The following MARVELD2 variants were observed in gnomAD, a reference collection of about 807,000 sequenced individuals.
MARVELD2 encodes MARVEL domain-containing protein 2.
MARVELD2 carries 49 observed loss-of-function variants against 57.6 expected under a neutral mutation model. The observed-to-expected ratio is 0.85, with a 90% CI of 0.68 to 1.08. The LOEUF (loss-of-function observed/expected upper bound fraction) is 1.08. Ranked by LOEUF, MARVELD2 falls within the 50% of genes least tolerant of loss-of-function variation. MARVELD2 has a pLI of 0.00. For missense variants in MARVELD2, 606 were observed against 701.1 expected, an observed-to-expected ratio of 0.86 and a Z score of 1.53; for synonymous variants, 238 against 258.8, an observed-to-expected ratio of 0.92 and a Z score of 0.77.
Position 69,433,045 on chromosome 5 carries a change from G to A in MARVELD2, c.1455G>A (p.Glu485=). ...AGGCTGTCCTGAGGAAGTTTGATGA[G>A]CTGGATGCAGTGATGAGCAGATTGC... ...EVQAVLRKFD[E]LDAVMSRLPH... Residue 485 remains glutamate (E), a synonymous_variant, in exon 5 of 7, where the codon GAG becomes GAA. Coordinates refer to ENST00000325631, the MANE Select transcript of MARVELD2 (RefSeq NM_001038603.3). The A allele has an allele frequency of 1.9e-6, 3 of 1,614,162 alleles. No individual in the cohort carries two copies. The highest frequency in any genetic ancestry group is 2.5e-6 in the Non-Finnish European group (3 of 1,180,032).
In MARVELD2 at chr5:69,442,250, G is replaced by A. The variant is rs545533825; in HGVS notation, c.*596G>A. ...ACTTTTTCCTTTTTTACTCAGGCAGGTTCCTAGGATTTTTCTGGGACAAAT... is the reference window on the plus strand; with the variant it reads ...ACTTTTTCCTTTTTTACTCAGGCAGATTCCTAGGATTTTTCTGGGACAAAT... On this transcript the variant is annotated 3_prime_UTR_variant, in exon 7 of 7. Coordinates refer to ENST00000325631, the MANE Select transcript of MARVELD2 (RefSeq NM_001038603.3). 1 of 152,108 alleles carries A rather than the reference G, an allele frequency of 6.6e-6. No homozygotes were observed. The highest frequency in any genetic ancestry group is 1.5e-5 in the Non-Finnish European group (1 of 68,032). The allele number at this position is 152,108 out of a possible 1,614,324, so 9.4% of individuals were successfully genotyped here.
chr5:69,444,011 A>AAAAAAAAAAAAAAAAAAAAAAAAG lies in MARVELD2; in HGVS notation c.*2368_*2369insAAAAAAAAAAAAGAAAAAAAAAAA. On this transcript the variant is annotated 3_prime_UTR_variant, in exon 7 of 7. Coordinates refer to ENST00000325631, the MANE Select transcript of MARVELD2 (RefSeq NM_001038603.3). Reference sequence around the variant, plus strand: ...ACTTAAGAAGAGCACCAGTGCTTTAAAAAAAAAAAAAGGTAAAATATTACC... The same window carrying AAAAAAAAAAAAAAAAAAAAAAAAG: ...ACTTAAGAAGAGCACCAGTGCTTTAAAAAAAAAAAAAAAAAAAAAAAAAGAAAAAAAAAAAGGTAAAATATTACC... 1 of 149,318 alleles carries AAAAAAAAAAAAAAAAAAAAAAAAG rather than the reference A, an allele frequency of 6.7e-6. No individual in the cohort carries two copies. Among genetic ancestry groups the AAAAAAAAAAAAAAAAAAAAAAAAG allele is most frequent in the African/African-American group, 2.5e-5 (1 of 40,734 alleles). The allele number at this position is 149,318 out of a possible 1,614,324, so 9.2% of individuals were successfully genotyped here. A position where few individuals can be genotyped will look rare whatever the true frequency, so the allele number is the denominator to read the frequency against.
chr5:69,431,318 C>G (rs980866886), intron 3 of MARVELD2, among the ~76,000 whole-genome samples: 3 of 151,382 alleles, frequency 2.0e-5, no homozygotes, highest in African/African-American at 7.3e-5. Context: ...TTTCACCATG[C>G]TGGCCAGGCT....
At chr5:69,422,249 G>A (rs1175709496) in intron 2 of MARVELD2, among the ~76,000 whole-genome samples, 1 of 152,210 alleles carries the variant, frequency 6.6e-6, no homozygotes, top group Non-Finnish European at 1.5e-5. Context: ...GAACAAGGGA[G>A]ATAACCTTAA....
intron 3 of MARVELD2, among the ~76,000 whole-genome samples, chr5:69,428,608 T>A (rs1766866273): frequency 5.0e-5 from 2 of 40,114 alleles, no homozygotes; most frequent in African/African-American, 1.7e-4. Flanking sequence ...TATTAAAAGG[T>A]AAGTCTTACA....
chr5:69,417,274 C>G (rs1766459369), intron 1 of MARVELD2, among the ~76,000 whole-genome samples: 1 of 152,156 alleles, frequency 6.6e-6, no homozygotes, highest in South Asian at 2.1e-4. Context: ...GCAGTCTTTA[C>G]CCCCTTTCTC....
chr5:69,433,442 G>A (rs565718651), intron 5 of MARVELD2, among the ~76,000 whole-genome samples: 2 of 137,580 alleles, frequency 1.5e-5, no homozygotes, highest in East Asian at 2.2e-4. Context: ...ATGAGCCACC[G>A]CATTTGGCAT....
rs1048955905 is a variant in MARVELD2 at position 69,439,653 on chromosome 5, C to T, written c.1504-797C>T. 7.9e-5 allele frequency among the ~76,000 whole-genome samples: 12 copies of T among 151,756 alleles called. No homozygotes were observed. In the South Asian group the frequency reaches 8.3e-4, roughly 11 times the overall value. ...CCTATAATTCCAGCTACTTGGGAGGCTGAGGCTCAATAACAGCTTGAGCCA... is the reference window on the plus strand; with the variant it reads ...CCTATAATTCCAGCTACTTGGGAGGTTGAGGCTCAATAACAGCTTGAGCCA... On this transcript the variant is annotated intron_variant, in intron 5 of 6. Coordinates refer to ENST00000325631, the MANE Select transcript of MARVELD2 (RefSeq NM_001038603.3).
At chr5:69,432,322 A>G (rs1561299081) in intron 3 of MARVELD2, among the ~76,000 whole-genome samples, 2 of 151,858 alleles carry the variant, frequency 1.3e-5, no homozygotes, top group South Asian at 2.1e-4. Flanking sequence ...TAAACTTTTT[A>G]TAGAGACAGG....
chr5:69,437,224 A>G (rs2150931458), intron 5 of MARVELD2, among the ~76,000 whole-genome samples: 1 of 149,646 alleles, frequency 6.7e-6, no homozygotes, highest in Non-Finnish European at 1.5e-5. Flanking sequence ...CCAACTAAAA[A>G]TACAAAATTA....
chr5:69,440,853 C>A (rs896695077), intron 6 of MARVELD2, among the ~76,000 whole-genome samples: 18 of 152,166 alleles, frequency 1.2e-4, no homozygotes, highest in African/African-American at 4.1e-4. Flanking sequence ...GAAGCCAAGG[C>A]GAGTGGAACG....
intron 1 of MARVELD2, among the ~76,000 whole-genome samples, chr5:69,418,173 T>C (rs1268765249): frequency 6.6e-6 from 1 of 152,188 alleles, no homozygotes; most frequent in Non-Finnish European, 1.5e-5. Context: ...TTTGAGACCT[T>C]CATAGTATCA....
intron 5 of MARVELD2, among the ~76,000 whole-genome samples, chr5:69,436,639 G>A (rs2583701): frequency 0.48 from 72,775 of 151,884 alleles, 17,576 homozygotes; most frequent in South Asian, 0.53. Flanking sequence ...CAGGAAGCAA[G>A]AGAAATTCAG....
Position 69,427,987 on chromosome 5 carries a change from C to T in MARVELD2, c.1182+3351C>T, listed in dbSNP as rs917678803. Among the ~76,000 whole-genome samples the T allele has an allele frequency of 5.9e-5, 9 of 152,020 alleles. No homozygotes were observed. The South Asian group carries it at 1.9e-3, about 32-fold the overall frequency. On this transcript the variant is annotated intron_variant, in intron 3 of 6. Transcript: ENST00000325631. ...ATTAGCCAGGCATGGTGGTGCATGCCTGTAATCCCAGCTACTCGGGAGGCT... is the reference window on the plus strand; with the variant it reads ...ATTAGCCAGGCATGGTGGTGCATGCTTGTAATCCCAGCTACTCGGGAGGCT...
intron 5 of MARVELD2, among the ~76,000 whole-genome samples, chr5:69,436,835 C>G (rs1227306125): frequency 6.6e-6 from 1 of 151,982 alleles, no homozygotes; most frequent in African/African-American, 2.4e-5. Flanking sequence ...AAATCCTGAC[C>G]TGTAAGGCCG....
chr5:69,439,272 T>C (rs1261469500), intron 5 of MARVELD2, among the ~76,000 whole-genome samples: 1 of 151,658 alleles, frequency 6.6e-6, no homozygotes, highest in Non-Finnish European at 1.5e-5. Flanking sequence ...GTGATTCTAC[T>C]GTCTCAAACT....
intron 1 of MARVELD2, 29 bp from the exon 2 acceptor site, chr5:69,419,342 A>T: frequency 1.2e-6 from 2 of 1,610,150 alleles, no homozygotes; most frequent in Non-Finnish European, 8.5e-7. Context: ...GTAACTAATC[A>T]TAAGTGATAA....
intron 3 of MARVELD2, among the ~76,000 whole-genome samples, chr5:69,428,867 CAG>C (rs1766874449): frequency 6.6e-6 from 1 of 151,968 alleles, no homozygotes; most frequent in African/African-American, 2.4e-5. Flanking sequence ...AAAAATAAAA[CAG>C]AAGTTAAAGA....
intron 5 of MARVELD2, among the ~76,000 whole-genome samples, chr5:69,440,104 A>G (rs774819277): frequency 6.6e-6 from 1 of 152,190 alleles, no homozygotes; most frequent in Non-Finnish European, 1.5e-5. Context: ...CAAATAAGTG[A>G]ACCTTCTTAC....
Sources: allele counts gnomAD v4.1 joint callset (sites outside exome capture counted in the v4.1 genomes callset), GRCh38; gene constraint gnomAD v4.1.1; transcripts MANE v1.5; gene names NCBI Gene and HGNC (gene_info 2026-07-23, HGNC 2026-07-21).